CALCOCO1: variants seen among roughly 807,000 people sequenced by gnomAD.
CALCOCO1 encodes calcium-binding and coiled-coil domain-containing protein 1.
In CALCOCO1, 44 loss-of-function variants were observed where a neutral mutation model predicts 86.3. The observed-to-expected ratio is 0.51, with a 90% CI of 0.40 to 0.66. The LOEUF (loss-of-function observed/expected upper bound fraction) is 0.66. Ranked by LOEUF, CALCOCO1 falls within the 30% of genes least tolerant of loss-of-function variation. The pLI is 0.00. For missense variants in CALCOCO1, 708 were observed against 851.1 expected, an observed-to-expected ratio of 0.83 and a Z score of 2.09; for synonymous variants, 297 against 327.6, an observed-to-expected ratio of 0.91 and a Z score of 1.01.
chr12:53,712,185 C>T, intron 14 of CALCOCO1, 64 bp from the exon 15 acceptor site: 1 of 1,440,128 alleles, frequency 6.9e-7, no homozygotes, highest in Middle Eastern at 2.4e-4. Flanking sequence ...GACTTGCAGA[C>T]TTCGGAGAGC....
chr12:53,713,339 G>T, intron 13 of CALCOCO1, 133 bp from the exon 14 acceptor site: 2 of 711,930 alleles, frequency 2.8e-6, no homozygotes, highest in South Asian at 3.2e-5. Context: ...AGTGAGGCAG[G>T]AGAGGCGTTT....
intron 14 of CALCOCO1, 140 bp from the exon 15 acceptor site, chr12:53,712,261 G>T: frequency 1.5e-6 from 1 of 677,430 alleles, no homozygotes; most frequent in Non-Finnish European, 2.5e-6. Context: ...CTCTCCCACA[G>T]CGTCTTTCTC....
rs1042892966 is a variant in CALCOCO1, at chr12:53,709,010, G to A, written c.*2934C>T. 27 of 152,248 alleles carry A rather than the reference G, an allele frequency of 1.8e-4. No individual in the cohort carries two copies. The highest frequency in any genetic ancestry group is 6.3e-4 in the African/African-American group (26 of 41,448). The allele number at this position is 152,248 out of a possible 1,614,324, so 9.4% of individuals were successfully genotyped here. ...CAATCTACATTTCTCATTCCTGTAG[G>A]TAACAGGTGGCCATTGAGGTTCGAT... On this transcript the variant is annotated 3_prime_UTR_variant, in exon 15 of 15. Transcript: ENST00000550804.
chr12:53,714,072 C>A, intron 12 of CALCOCO1, 61 bp downstream of exon 12: 1 of 1,446,272 alleles, frequency 6.9e-7, no homozygotes, highest in Non-Finnish European at 9.6e-7. Context: ...TACATGGAGC[C>A]TTCCTCAACA....
intron 4 of CALCOCO1, chr12:53,722,902 G>T: frequency 2.4e-6 from 1 of 410,470 alleles, no homozygotes; most frequent in African/African-American, 2.4e-5. Context: ...TCACTTACGT[G>T]AGATATAAAC....
At chr12:53,722,861 C>G (rs185627461) in intron 4 of CALCOCO1, 21 of 414,034 alleles carry the variant, frequency 5.1e-5, no homozygotes, top group East Asian at 3.5e-4. Flanking sequence ...GATTGTGAAA[C>G]CGCAACAGAG....
Position 53,721,395 on chromosome 12 carries a change from C to T in CALCOCO1, c.758+72G>A, listed in dbSNP as rs941183. 7.4e-3 allele frequency: 10,359 copies of T among 1,403,762 alleles called. 408 individuals are homozygous for T. In the East Asian group the frequency reaches 0.13, roughly 17 times the overall value. The allele number at this position is 1,403,762 out of a possible 1,614,324, so 87.0% of individuals were successfully genotyped here. On this transcript the variant is annotated intron_variant, in intron 6 of 14. Transcript: ENST00000550804. ...TGAGGCAGACAGCAGGTCTGCTTGC[C>T]TGAGAGAGGGGGCTGGAGTGCGGGG...
Position 53,715,670 on chromosome 12 carries a change from C to T in CALCOCO1, c.1260+123G>A, listed in dbSNP as rs1323615376. On this transcript the variant is annotated intron_variant, in intron 9 of 14. Coordinates refer to ENST00000550804, the MANE Select transcript of CALCOCO1 (RefSeq NM_020898.3). ...GTACCTCCCTCAAAGCCCCTCTCCA[C>T]CCAAGTCCTCTAAGGTTCTCAACCC... is the stretch of plus-strand genomic sequence containing the variant. The T allele has an allele frequency of 4.4e-6, 6 of 1,351,464 alleles. No homozygotes were observed. The Admixed American group carries it at 1.0e-4, about 23-fold the overall frequency. The allele number at this position is 1,351,464 out of a possible 1,614,324, so 83.7% of individuals were successfully genotyped here. A position where few individuals can be genotyped will look rare whatever the true frequency, so the allele number is the denominator to read the frequency against.
At chr12:53,720,142 C>G (rs1031517891) in intron 6 of CALCOCO1, among the ~76,000 whole-genome samples, 6 of 152,140 alleles carry the variant, frequency 3.9e-5, no homozygotes, top group African/African-American at 1.4e-4. Context: ...GAGACAAGGG[C>G]AGTCATTATT....
chr12:53,712,147 G>T (rs1945578386), intron 14 of CALCOCO1, 26 bp from the exon 15 acceptor site: 1 of 1,564,606 alleles, frequency 6.4e-7, no homozygotes, highest in Admixed American at 1.9e-5. Flanking sequence ...GGGAAAGGGA[G>T]AGGGTCGGCG....
chr12:53,715,945 C>T lies in CALCOCO1; in HGVS notation c.1108G>A (p.Ala370Thr). ...GCTATGGTGCGGTCCCTGGCTGCTG[C>T]TGCACTGGCCAACTCCTCCCCAAGA... Reference protein sequence around the residue: ...TLLGEELASAAAARDRTIAEL... With the variant: ...TLLGEELASATAARDRTIAEL... Residue 370 changes from alanine to threonine, a missense_variant, in exon 9 of 15, where the codon GCA (alanine) becomes ACA (threonine). Transcript: ENST00000550804. 2 of 1,614,194 alleles carry T rather than the reference C, an allele frequency of 1.2e-6. No homozygotes were observed. The highest frequency in any genetic ancestry group is 1.7e-6 in the Non-Finnish European group (2 of 1,180,038).
In CALCOCO1 at chr12:53,716,806, C is replaced by T. The variant is rs142782548; in HGVS notation, c.850-391G>A. On this transcript the variant is annotated intron_variant, in intron 7 of 14. Coordinates refer to ENST00000550804, the MANE Select transcript of CALCOCO1 (RefSeq NM_020898.3). ...CGTCCAGGGTACCAACTAGCTCCCA[C>T]GTTACTCAGGATGGAGTAACCTGGT... Among the ~76,000 whole-genome samples, 6 of 152,332 alleles carry T rather than the reference C, an allele frequency of 3.9e-5. No individual in the cohort carries two copies. The East Asian group carries it at 5.8e-4, about 15-fold the overall frequency.
At position 53,716,371 on chromosome 12, in the gene CALCOCO1, C is replaced by G. The variant is rs1421798846; in HGVS notation, c.894G>C (p.Leu298Phe). The change falls in exon 8 of 15, where the codon TTG (leucine) becomes TTC (phenylalanine). Residue 298 changes from leucine (L) to phenylalanine (F), a missense_variant. Leu to Phe is a conservative substitution (Grantham distance 22). Coordinates refer to ENST00000550804, the MANE Select transcript of CALCOCO1 (RefSeq NM_020898.3). ...VAQQENHHLN[L>F]DLKEAKSWQE... ...GCCAGCTCTTCGCCTCCTTCAGGTC[C>G]AAATTTAAGTGATGGTTCTCCTGTT... 6.2e-7 allele frequency: 1 copy of G among 1,614,172 alleles called. No homozygotes were observed. The highest frequency in any genetic ancestry group is 8.5e-7 in the Non-Finnish European group (1 of 1,180,042).
rs1565648883 is a variant in CALCOCO1 at position 53,722,159 on chromosome 12, C to A, written c.475G>T (p.Glu159Ter). 1 of 1,613,470 alleles carries A rather than the reference C, an allele frequency of 6.2e-7. No individual in the cohort carries two copies. Among genetic ancestry groups the A allele is most frequent in the Non-Finnish European group, 8.5e-7 (1 of 1,180,050 alleles). Reference protein sequence around the residue: ...LQNQLDESQQERNDLMQLKLQ... With the variant: ...LQNQLDESQQ ...TTCAGCTGCATCAGGTCATTCCGTT[C>A]TTGCTGGCTCTCATCGAGCTGGTTC... Residue 159 changes from glutamate to a stop codon, truncating the protein, a stop_gained, in exon 5 of 15, where the codon GAA becomes TAA. Transcript: ENST00000550804. LOFTEE classifies it high-confidence loss of function.
chr12:53,712,396 TGC>T, intron 14 of CALCOCO1: 1 of 383,164 alleles, frequency 2.6e-6, no homozygotes, highest in East Asian at 4.9e-5. Flanking sequence ...CTCCGTCTGC[TGC>T]CTAATGAGGC....
intron 4 of CALCOCO1, 58 bp from the exon 5 acceptor site, chr12:53,722,241 C>G (rs940582491): frequency 6.3e-7 from 1 of 1,590,990 alleles, no homozygotes. Context: ...TCTAAGGTCC[C>G]ATCCTCACCA....
chr12:53,714,096 T>G, intron 12 of CALCOCO1, 37 bp downstream of exon 12: 1 of 1,511,286 alleles, frequency 6.6e-7, no homozygotes. Context: ...GGAGGTAGAG[T>G]GGGGAAGAGG....
intron 6 of CALCOCO1, among the ~76,000 whole-genome samples, chr12:53,720,660 C>T (rs771776141): frequency 1.3e-5 from 2 of 152,300 alleles, no homozygotes; most frequent in East Asian, 1.9e-4. Flanking sequence ...GGATAGAATG[C>T]CTCTTTCTTT....
At chr12:53,721,728 A>T (rs1945873382) in intron 5 of CALCOCO1, 113 bp from the exon 6 acceptor site, 1 of 1,295,906 alleles carries the variant, frequency 7.7e-7, no homozygotes, top group African/African-American at 1.5e-5. Context: ...CCTGGCTATC[A>T]CATTGCCTTC....
Sources: gnomAD v4.1 joint callset for allele counts (sites outside exome capture counted in the v4.1 genomes callset) on GRCh38, gnomAD v4.1.1 for gene constraint, MANE v1.5 for transcripts, NCBI Gene and HGNC (gene_info 2026-07-23, HGNC 2026-07-21) for gene names.